LEKR1: variants seen among roughly 807,000 people sequenced by gnomAD.
LEKR1 encodes leucine, glutamate and lysine rich 1.
A neutral mutation model predicts 72.4 loss-of-function variants in LEKR1; 59 were observed. The observed-to-expected ratio is 0.82, with a 90% CI of 0.66 to 1.01. LEKR1 has a LOEUF of 1.01. LEKR1 is among the 50% of genes least tolerant of loss of function. The probability of loss-of-function intolerance (pLI) is 0.00; values close to 1 mark genes in which losing one functional copy is unlikely to be tolerated. For synonymous variants in LEKR1, 257 were observed against 263.2 expected (o/e 0.98, Z 0.23); for missense variants, 728 against 759.2 (o/e 0.96, Z 0.48).
intron 3 of LEKR1, among the ~76,000 whole-genome samples, chr3:156,883,578 G>A (rs886753420): frequency 5.3e-5 from 8 of 152,168 alleles, no homozygotes; most frequent in Non-Finnish European, 1.0e-4. Context: ...GGACTTGGTG[G>A]GAGATAATTG....
At chr3:156,915,509 A>G (rs1221429580) in intron 3 of LEKR1, among the ~76,000 whole-genome samples, 1 of 151,892 alleles carries the variant, frequency 6.6e-6, no homozygotes, top group Non-Finnish European at 1.5e-5. Context: ...CTAATGATCA[A>G]TTATATTGAG....
chr3:156,912,895 A>G (rs1339023273), intron 3 of LEKR1, among the ~76,000 whole-genome samples: 1 of 152,136 alleles, frequency 6.6e-6, no homozygotes, highest in African/African-American at 2.4e-5. Context: ...ATGAGTTTAT[A>G]TCCTGGAGGC....
At chr3:156,838,942 C>G (rs1713527668) in intron 2 of LEKR1, among the ~76,000 whole-genome samples, 1 of 152,028 alleles carries the variant, frequency 6.6e-6, no homozygotes, top group Non-Finnish European at 1.5e-5. Context: ...CGAGGATGGC[C>G]ATGCCACAGA....
At chr3:156,919,063 A>C (rs1052988597) in intron 3 of LEKR1, among the ~76,000 whole-genome samples, 1 of 152,182 alleles carries the variant, frequency 6.6e-6, no homozygotes, top group Non-Finnish European at 1.5e-5. Flanking sequence ...AGGTTGTTAA[A>C]ATACGAGAGA....
chr3:156,839,700 A>T (rs1467488728), intron 2 of LEKR1, among the ~76,000 whole-genome samples: 1 of 152,178 alleles, frequency 6.6e-6, no homozygotes, highest in Non-Finnish European at 1.5e-5. Context: ...TAGTAGAGGC[A>T]GTGCTAGAAA....
chr3:157,014,353 C>T (rs918463350), intron 10 of LEKR1, among the ~76,000 whole-genome samples: 1 of 151,860 alleles, frequency 6.6e-6, no homozygotes, highest in Admixed American at 6.6e-5. Context: ...CAAGCAAAAC[C>T]TTATTTCTTG....
chr3:156,972,061 A>G (rs1439019172), intron 6 of LEKR1, among the ~76,000 whole-genome samples: 1 of 152,208 alleles, frequency 6.6e-6, no homozygotes, highest in African/African-American at 2.4e-5. Context: ...TTGCGGCACT[A>G]TTCACAATAG....
intron 3 of LEKR1, among the ~76,000 whole-genome samples, chr3:156,895,858 A>C (rs1420580856): frequency 2.6e-5 from 4 of 152,162 alleles, no homozygotes; most frequent in African/African-American, 7.2e-5. Context: ...CCATTACTGA[A>C]TATATATCCA....
intron 3 of LEKR1, among the ~76,000 whole-genome samples, chr3:156,897,480 A>G (rs1012739968): frequency 1.1e-4 from 16 of 152,068 alleles, no homozygotes; most frequent in Non-Finnish European, 1.8e-4. Context: ...ACATCAATCA[A>G]ATACATTTAA....
chr3:156,949,054 A>G (rs1298059597), intron 6 of LEKR1, among the ~76,000 whole-genome samples: 1 of 151,208 alleles, frequency 6.6e-6, no homozygotes, highest in Non-Finnish European at 1.5e-5. Flanking sequence ...TAGATCCTTG[A>G]TAATAGACCT....
intron 5 of LEKR1, among the ~76,000 whole-genome samples, chr3:156,939,672 A>G (rs1376754406): frequency 6.6e-6 from 1 of 152,186 alleles, no homozygotes; most frequent in Non-Finnish European, 1.5e-5. Context: ...AATATTTCCT[A>G]TTCTAGCAAA....
intron 11 of LEKR1, among the ~76,000 whole-genome samples, chr3:157,025,844 A>G (rs1463806443): frequency 2.1e-5 from 3 of 145,842 alleles, no homozygotes; most frequent in Admixed American, 7.1e-5. Flanking sequence ...TGGACAACAT[A>G]GCAAGACTGT....
chr3:156,971,475 G>A (rs1029941353), intron 6 of LEKR1, among the ~76,000 whole-genome samples: 7 of 152,044 alleles, frequency 4.6e-5, no homozygotes, highest in African/African-American at 1.7e-4. Flanking sequence ...ACAACAAAAG[G>A]CAAAATTGAC....
At chr3:156,927,677 T>A in intron 5 of LEKR1, 73 bp downstream of exon 5, 2 of 534,106 alleles carry the variant, frequency 3.7e-6, no homozygotes, top group Non-Finnish European at 5.6e-6. Context: ...AAAATAATGA[T>A]ATTTCATTTT....
chr3:156,842,102 T>TCC (rs1378820724), intron 2 of LEKR1, among the ~76,000 whole-genome samples: 1 of 151,912 alleles, frequency 6.6e-6, no homozygotes, highest in Non-Finnish European at 1.5e-5. Flanking sequence ...ATCATCCCCA[T>TCC]CCCCCCAGTC....
At chr3:156,980,642 G>A (rs1292275964) in intron 7 of LEKR1, among the ~76,000 whole-genome samples, 1 of 152,156 alleles carries the variant, frequency 6.6e-6, no homozygotes, top group Admixed American at 6.6e-5. Context: ...ATCTCTTGTG[G>A]AAAGCAGTCT....
intron 12 of LEKR1, among the ~76,000 whole-genome samples, chr3:157,042,722 AT>A (rs1258830545): frequency 2.0e-5 from 3 of 152,144 alleles, no homozygotes; most frequent in African/African-American, 7.2e-5. Flanking sequence ...CACATCCTCC[AT>A]CACTTTATCA....
intron 2 of LEKR1, among the ~76,000 whole-genome samples, chr3:156,840,460 A>G (rs1243882552): frequency 6.6e-6 from 1 of 152,242 alleles, no homozygotes; most frequent in Non-Finnish European, 1.5e-5. Context: ...AATCTCTTTG[A>G]AAAAGATTGA....
intron 6 of LEKR1, among the ~76,000 whole-genome samples, chr3:156,953,223 A>G (rs1459380262): frequency 6.6e-6 from 1 of 151,586 alleles, no homozygotes; most frequent in African/African-American, 2.4e-5. Flanking sequence ...TGAAAAGATA[A>G]TATAGAGCAT....
Sources: gnomAD v4.1 joint callset for allele counts (sites outside exome capture counted in the v4.1 genomes callset) on GRCh38, gnomAD v4.1.1 for gene constraint, MANE v1.5 for transcripts, NCBI Gene and HGNC (gene_info 2026-07-23, HGNC 2026-07-21) for gene names.